The following TTC7A variants were observed in gnomAD, a reference collection of about 807,000 sequenced individuals.
TTC7A encodes tetratricopeptide repeat protein 7A.
TTC7A carries 110 observed loss-of-function variants against 103.7 expected under a neutral mutation model. That is an observed-to-expected ratio of 1.06 (90% CI 0.91 to 1.24). TTC7A has a LOEUF of 1.24. TTC7A is among the 50% of genes most tolerant of loss of function. TTC7A has a pLI of 0.00. For synonymous variants in TTC7A, 521 were observed against 467.9 expected (o/e 1.11, Z -1.47); for missense variants, 1,340 against 1,116.3 (o/e 1.20, Z -2.86).
intron 5 of TTC7A, among the ~76,000 whole-genome samples, chr2:46,990,359 TG>T (rs1315186261): frequency 1.3e-5 from 2 of 152,270 alleles, no homozygotes; most frequent in East Asian, 3.9e-4. Context: ...GAGCTTCTTG[TG>T]GGGGGCCCGG....
intron 10 of TTC7A, among the ~76,000 whole-genome samples, chr2:47,010,915 G>C (rs1404148275): frequency 6.6e-6 from 1 of 152,154 alleles, no homozygotes; most frequent in Non-Finnish European, 1.5e-5. Flanking sequence ...GGCCAGGCTG[G>C]TCTCGAACTC....
chr2:47,071,945 C>T (rs551230549), intron 19 of TTC7A, among the ~76,000 whole-genome samples: 4 of 152,380 alleles, frequency 2.6e-5, no homozygotes, highest in East Asian at 1.9e-4. Context: ...CGGCCTTTCC[C>T]TTCTGTCCTG....
At chr2:46,997,859 A>T (rs1012103039) in intron 8 of TTC7A, among the ~76,000 whole-genome samples, 1 of 152,134 alleles carries the variant, frequency 6.6e-6, no homozygotes, top group African/African-American at 2.4e-5. Flanking sequence ...CTGAGTCCTC[A>T]GGACAGAGTT....
upstream of TTC7A, among the ~76,000 whole-genome samples, chr2:46,939,593 C>T (rs930414071): frequency 6.6e-6 from 1 of 152,076 alleles, no homozygotes; most frequent in Non-Finnish European, 1.5e-5. Context: ...GCAGGGCTGG[C>T]AAAGGACTAG....
chr2:46,981,200 G>A (rs1365029568), intron 5 of TTC7A, among the ~76,000 whole-genome samples: 7 of 151,730 alleles, frequency 4.6e-5, no homozygotes, highest in Non-Finnish European at 8.8e-5. Flanking sequence ...TACATCTTTC[G>A]TGTTTTTCTA....
At chr2:47,034,574 A>G (rs1386157955) in intron 15 of TTC7A, among the ~76,000 whole-genome samples, 1 of 152,158 alleles carries the variant, frequency 6.6e-6, no homozygotes, top group Non-Finnish European at 1.5e-5. Flanking sequence ...GTAACCAAAC[A>G]AAGTTCCTCA....
chr2:46,942,288 G>T (rs1202141359), intron 1 of TTC7A, among the ~76,000 whole-genome samples: 1 of 152,156 alleles, frequency 6.6e-6, no homozygotes, highest in Non-Finnish European at 1.5e-5. Context: ...TTAGCAGTAG[G>T]GCTGGTTTGG....
Position 47,018,057 on chromosome 2 carries a change from A to C in TTC7A, c.1393-3805A>C, listed in dbSNP as rs145472753. Among the ~76,000 whole-genome samples the C allele has an allele frequency of 3.7e-3, 556 of 152,204 alleles. 6 individuals are homozygous for C. Among genetic ancestry groups the C allele is most frequent in the African/African-American group, 0.013 (524 of 41,526 alleles). On this transcript the variant is annotated intron_variant, in intron 11 of 19. Transcript: ENST00000319190. Reference sequence around the variant, plus strand: ...TTTGGGAGGCCAAAGCAGGTGGATCACTTGAGGTCAGGAGTTTGAGACCAG... The same window carrying C: ...TTTGGGAGGCCAAAGCAGGTGGATCCCTTGAGGTCAGGAGTTTGAGACCAG...
At chr2:47,058,429 A>G (rs370264050) in intron 18 of TTC7A, among the ~76,000 whole-genome samples, 4 of 152,208 alleles carry the variant, frequency 2.6e-5, no homozygotes, top group African/African-American at 7.2e-5. Flanking sequence ...GGTTTTAGTT[A>G]GGCCTCTCCT....
intron 11 of TTC7A, 123 bp downstream of exon 11, chr2:47,011,558 A>G: frequency 1.3e-6 from 1 of 742,594 alleles, no homozygotes; most frequent in Non-Finnish European, 2.2e-6. Context: ...GGGAGCTACC[A>G]GGCAGATGGG....
chr2:47,056,553 C>T (rs752313488), intron 18 of TTC7A, among the ~76,000 whole-genome samples: 9 of 152,240 alleles, frequency 5.9e-5, no homozygotes, highest in Non-Finnish European at 8.8e-5. Context: ...GCCCATCCCC[C>T]TGCCCGGGGT....
chr2:47,013,205 G>A (rs925598082), intron 11 of TTC7A, among the ~76,000 whole-genome samples: 2 of 152,196 alleles, frequency 1.3e-5, no homozygotes, highest in Non-Finnish European at 2.9e-5. Context: ...GGATACAGGA[G>A]GGCCAAAACC....
At chr2:46,954,566 CTT>C (rs35548270) in intron 2 of TTC7A, among the ~76,000 whole-genome samples, 24 of 121,260 alleles carry the variant, frequency 2.0e-4, no homozygotes, top group Non-Finnish European at 2.7e-4. Flanking sequence ...AACTAAGAGC[CTT>C]TTTTTTTTTT....
At chr2:47,043,382 C>T (rs1289842305) in intron 15 of TTC7A, among the ~76,000 whole-genome samples, 1 of 152,162 alleles carries the variant, frequency 6.6e-6, no homozygotes, top group Non-Finnish European at 1.5e-5. Flanking sequence ...TGGTTAGGAG[C>T]TGGCTGAATG....
intron 15 of TTC7A, among the ~76,000 whole-genome samples, chr2:47,029,726 A>G (rs1203778838): frequency 6.6e-6 from 1 of 152,168 alleles, no homozygotes; most frequent in African/African-American, 2.4e-5. Flanking sequence ...GGATGACAGT[A>G]ACTTGTGTAA....
chr2:47,047,264 A>G lies in TTC7A; in HGVS notation c.1919+833A>G, dbSNP rs1384621238. The G allele has an allele frequency of 6.5e-6, 10 of 1,544,068 alleles. No homozygotes were observed. The African/African-American group carries it at 1.2e-4, about 19-fold the overall frequency. ...GTCTGGTGTATATTTGTGTTTTCACAGAGACTTTAGGAGCCCAGAAGGCTT... is the reference window on the plus strand; with the variant it reads ...GTCTGGTGTATATTTGTGTTTTCACGGAGACTTTAGGAGCCCAGAAGGCTT... On this transcript the variant is annotated intron_variant, in intron 16 of 19. Transcript: ENST00000319190.
At chr2:47,063,724 G>C (rs575240831) in intron 19 of TTC7A, among the ~76,000 whole-genome samples, 1 of 152,342 alleles carries the variant, frequency 6.6e-6, no homozygotes, top group Non-Finnish European at 1.5e-5. Context: ...ATCAGTACAA[G>C]GGGAAGGAGA....
chr2:46,986,161 G>C (rs959746971), intron 5 of TTC7A, among the ~76,000 whole-genome samples: 3 of 152,200 alleles, frequency 2.0e-5, no homozygotes, highest in African/African-American at 7.2e-5. Flanking sequence ...ATCTGCATTC[G>C]GGCATCTCTG....
chr2:47,022,136 C>G (rs187190299), intron 12 of TTC7A, among the ~76,000 whole-genome samples, 157 bp downstream of exon 12: 3 of 152,312 alleles, frequency 2.0e-5, no homozygotes, highest in Admixed American at 1.3e-4. Flanking sequence ...TGCACACATA[C>G]ACACGTGCAT....
Sources: gnomAD v4.1 joint callset for allele counts (sites outside exome capture counted in the v4.1 genomes callset) on GRCh38, gnomAD v4.1.1 for gene constraint, MANE v1.5 for transcripts, NCBI Gene and HGNC (gene_info 2026-07-23, HGNC 2026-07-21) for gene names.